The following LASP1 variants were observed in gnomAD, a reference collection of about 807,000 sequenced individuals.
The protein encoded by LASP1 is LIM and SH3 protein 1, also known as LIM and SH3 domain protein 1.
Under a neutral mutation model 38.6 loss-of-function variants are expected in LASP1, and 10 were observed. The observed-to-expected ratio is 0.26, with a 90% confidence interval of 0.16 to 0.44. LASP1 has a LOEUF of 0.44. LASP1 is among the 20% of genes least tolerant of loss of function. The pLI is 1.00. For synonymous variants in LASP1, 132 were observed against 140.8 expected, an observed-to-expected ratio of 0.94 and a Z score of 0.44; for missense variants, 243 against 375.7, an observed-to-expected ratio of 0.65 and a Z score of 2.92.
At position 38,914,318 on chromosome 17, in the gene LASP1, C is replaced by T; in HGVS notation, c.358-7C>T. On this transcript the variant is annotated splice_polypyrimidine_tract_variant and splice_region_variant and intron_variant, in intron 4 of 6. Transcript: ENST00000318008. ...GACCCTTCACCTAGTGCCTTCTGACCTTGCAGATAAAATACCATGAGGAGT... is the reference window on the plus strand; with the variant it reads ...GACCCTTCACCTAGTGCCTTCTGACTTTGCAGATAAAATACCATGAGGAGT... The T allele has an allele frequency of 6.2e-7, 1 of 1,603,602 alleles. No individual in the cohort carries two copies. The highest frequency in any genetic ancestry group is 1.3e-5 in the African/African-American group (1 of 74,892).
chr17:38,915,223 C>A, intron 6 of LASP1, 77 bp downstream of exon 6: 1 of 1,168,674 alleles, frequency 8.6e-7, no homozygotes, highest in Non-Finnish European at 1.3e-6. Context: ...CTCATGGATT[C>A]TCCTGACCTT....
Position 38,899,222 on chromosome 17 carries a change from C to T in LASP1, c.357+703C>T, listed in dbSNP as rs573750888. 5.4e-5 allele frequency: 10 copies of T among 186,254 alleles called. No homozygotes were observed. In the South Asian group the frequency reaches 7.4e-4, roughly 14 times the overall value. 11.5% of individuals were successfully genotyped at this position (186,254 alleles called of 1,614,324 possible). On this transcript the variant is annotated intron_variant, in intron 4 of 6. Transcript: ENST00000318008. ...TTAGGCATGCGGGGGCAGGGCACTG[C>T]GGTGAGCAGCAACCATGGGGGATGC...
rs559243895 is a variant in LASP1 at position 38,918,986 on chromosome 17, T to C, written c.*208T>C. 70 of 611,102 alleles carry C rather than the reference T, an allele frequency of 1.1e-4. No individual in the cohort carries two copies. Among genetic ancestry groups the C allele is most frequent in the Non-Finnish European group, 1.7e-4 (59 of 349,674 alleles). The allele number at this position is 611,102 out of a possible 1,614,324, so 37.9% of individuals were successfully genotyped here. A position where few individuals can be genotyped will look rare whatever the true frequency, so the allele number is the denominator to read the frequency against. On this transcript the variant is annotated 3_prime_UTR_variant, in exon 7 of 7. Coordinates refer to ENST00000318008, the MANE Select transcript of LASP1 (RefSeq NM_006148.4). The surrounding 1 kb of genome is among the most constrained non-coding windows in gnomAD (Gnocchi z 4.4). ...CTGGCAGGCTTCCCCCTTGATCGAC[T>C]TCTTGGTTTTCTCTCTGGATGGAAC...
rs555337220 is a variant in LASP1 at position 38,905,356 on chromosome 17, G to A, written c.357+6837G>A. ...ATCCTGGCTAACACAGTGAAACCCCGTCTCAACTAAAAATACAAAAAATTA... is the reference window on the plus strand; with the variant it reads ...ATCCTGGCTAACACAGTGAAACCCCATCTCAACTAAAAATACAAAAAATTA... On this transcript the variant is annotated intron_variant, in intron 4 of 6. Coordinates refer to ENST00000318008, the MANE Select transcript of LASP1 (RefSeq NM_006148.4). 3.3e-5 allele frequency among the ~76,000 whole-genome samples: 5 copies of A among 151,874 alleles called. No homozygotes were observed. In the South Asian group the frequency reaches 8.4e-4, roughly 25 times the overall value.
intron 2 of LASP1, among the ~76,000 whole-genome samples, chr17:38,879,832 G>A (rs1458901900): frequency 1.3e-5 from 2 of 152,062 alleles, no homozygotes; most frequent in South Asian, 2.1e-4. Flanking sequence ...CAGGTGCTGG[G>A]AAAACAGATT....
intron 4 of LASP1, among the ~76,000 whole-genome samples, chr17:38,910,296 T>TCAGTTCTG (rs1208107806): frequency 6.6e-6 from 1 of 152,222 alleles, no homozygotes. Context: ...TGGCAGCAGC[T>TCAGTTCTG]CAGTTCTGCA....
At chr17:38,914,222 A>G in intron 4 of LASP1, 103 bp from the exon 5 acceptor site, 1 of 1,392,024 alleles carries the variant, frequency 7.2e-7, no homozygotes, top group South Asian at 1.3e-5. Flanking sequence ...TCTGTACCCA[A>G]AGCTCTTGGG....
chr17:38,914,700 ACACACACACACACATG>A (rs1475602977), intron 5 of LASP1, among the ~76,000 whole-genome samples: 5 of 152,004 alleles, frequency 3.3e-5, no homozygotes, highest in African/African-American at 7.2e-5. Context: ...ACACACACAC[ACACACACACACACATG>A]CACGCACGCA....
chr17:38,914,836 G>A, intron 5 of LASP1: 2 of 603,392 alleles, frequency 3.3e-6, no homozygotes, highest in South Asian at 3.9e-5. Flanking sequence ...ATTGAAAGGA[G>A]AGGCCCCCAG....
At chr17:38,883,285 C>T (rs1192596630) in intron 2 of LASP1, among the ~76,000 whole-genome samples, 1 of 152,046 alleles carries the variant, frequency 6.6e-6, no homozygotes, top group African/African-American at 2.4e-5. Flanking sequence ...GAGGCTGAGG[C>T]AGGAGGATTA....
chr17:38,917,809 C>T (rs1347852910), intron 6 of LASP1, among the ~76,000 whole-genome samples: 1 of 152,034 alleles, frequency 6.6e-6, no homozygotes, highest in Non-Finnish European at 1.5e-5. Context: ...CCCACCTCAG[C>T]CTCCTGAGTA....
chr17:38,909,729 T>TC (rs58783117), intron 4 of LASP1, among the ~76,000 whole-genome samples: 2 of 27,920 alleles, frequency 7.2e-5, no homozygotes, highest in African/African-American at 1.2e-4. Context: ...CTTTTTCATC[T>TC]CATTCATTCA....
At chr17:38,917,299 T>G (rs1462361670) in intron 6 of LASP1, among the ~76,000 whole-genome samples, 2 of 152,194 alleles carry the variant, frequency 1.3e-5, no homozygotes, top group Non-Finnish European at 2.9e-5. Context: ...CCCATAGACC[T>G]GTTGGTTTCA....
At chr17:38,893,691 C>T (rs1368352499) in intron 3 of LASP1, among the ~76,000 whole-genome samples, 1 of 152,174 alleles carries the variant, frequency 6.6e-6, no homozygotes, top group East Asian at 1.9e-4. Context: ...GCTTCCTCAC[C>T]AGTAAAATGA....
At chr17:38,900,097 T>G (rs1914597532) in intron 4 of LASP1, among the ~76,000 whole-genome samples, 1 of 148,312 alleles carries the variant, frequency 6.7e-6, no homozygotes, top group Non-Finnish European at 1.5e-5. Context: ...ACAGCCCCTT[T>G]GAGGACTGTA....
chr17:38,885,804 G>A (rs1293477298), intron 2 of LASP1, among the ~76,000 whole-genome samples: 2 of 152,184 alleles, frequency 1.3e-5, no homozygotes, highest in Admixed American at 6.5e-5. Flanking sequence ...GGATGGGATG[G>A]GCAGGAAGGG....
chr17:38,920,275 C>T lies in LASP1; in HGVS notation c.*1497C>T, dbSNP rs1008046215. 2 of 421,340 alleles carry T rather than the reference C, an allele frequency of 4.7e-6. No individual in the cohort carries two copies. Among genetic ancestry groups the T allele is most frequent in the Non-Finnish European group, 9.1e-6 (2 of 218,960 alleles). The allele number at this position is 421,340 out of a possible 1,614,324, so 26.1% of individuals were successfully genotyped here. Reference sequence around the variant, plus strand: ...GGCAGAAGTGTCACCCTGTGGGTGTCTCCCTCGGGGGCTCTTCCCCTAGAC... The same window carrying T: ...GGCAGAAGTGTCACCCTGTGGGTGTTTCCCTCGGGGGCTCTTCCCCTAGAC... On this transcript the variant is annotated 3_prime_UTR_variant, in exon 7 of 7. Transcript: ENST00000318008.
At position 38,920,827 on chromosome 17, in the gene LASP1, C is replaced by T. The variant is rs867986333; in HGVS notation, c.*2049C>T. On this transcript the variant is annotated 3_prime_UTR_variant, in exon 7 of 7. Coordinates refer to ENST00000318008, the MANE Select transcript of LASP1 (RefSeq NM_006148.4). ...AGAATCTCTTGGGAGTCTTGGGTGGCGCTGGTGCATTCTGTTTCCTCTTGA... is the reference window on the plus strand; with the variant it reads ...AGAATCTCTTGGGAGTCTTGGGTGGTGCTGGTGCATTCTGTTTCCTCTTGA... The T allele has an allele frequency of 6.9e-5, 16 of 232,428 alleles. No homozygotes were observed. Among genetic ancestry groups the T allele is most frequent in the Non-Finnish European group, 1.0e-4 (12 of 117,468 alleles). The allele number at this position is 232,428 out of a possible 1,614,324, so 14.4% of individuals were successfully genotyped here.
At chr17:38,890,585 A>G (rs1914285559) in intron 3 of LASP1, 81 bp downstream of exon 3, 1 of 1,261,568 alleles carries the variant, frequency 7.9e-7, no homozygotes, top group Non-Finnish European at 1.2e-6. Flanking sequence ...TGGCAAGAGT[A>G]CCTTCCCCTG....
Sources: allele counts gnomAD v4.1 joint callset (sites outside exome capture counted in the v4.1 genomes callset), GRCh38; gene constraint gnomAD v4.1.1; non-coding constraint Gnocchi (gnomAD v3.1); transcripts MANE v1.5; gene names NCBI Gene and HGNC (gene_info 2026-07-23, HGNC 2026-07-21).